CDKAL1: variants seen among roughly 807,000 people sequenced by gnomAD.
The protein encoded by CDKAL1 is CDKAL1 threonylcarbamoyladenosine tRNA methylthiotransferase, also known as threonylcarbamoyladenosine tRNA methylthiotransferase.
A neutral mutation model predicts 68.2 loss-of-function variants in CDKAL1; 32 were observed. The ratio of observed to expected loss-of-function variants is 0.47; its 90% confidence interval spans 0.35 to 0.63. The LOEUF (loss-of-function observed/expected upper bound fraction) is 0.63. CDKAL1 is among the 30% of genes least tolerant of loss of function. The pLI is 0.00. For missense variants in CDKAL1, 606 were observed against 696.7 expected, an observed-to-expected ratio of 0.87 and a Z score of 1.47; for synonymous variants, 234 against 244.3, an observed-to-expected ratio of 0.96 and a Z score of 0.39.
Position 20,941,160 on chromosome 6 carries a change from A to G in CDKAL1, c.743-14259A>G, listed in dbSNP as rs61005761. ...CATTTCAAGTGCTCATCAGCCACAT[A>G]TGGCTTGTGGTTTATTGGATAGTAC... On this transcript the variant is annotated intron_variant, in intron 9 of 15. Coordinates refer to ENST00000274695, the MANE Select transcript of CDKAL1 (RefSeq NM_017774.3). Among the ~76,000 whole-genome samples, 6 of 8,868 alleles carry G rather than the reference A, an allele frequency of 6.8e-4. No homozygotes were observed. In the East Asian group the frequency reaches 0.073, roughly 108 times the overall value. The allele number at this position is 8,868 out of a possible 152,430, so 5.8% of individuals were successfully genotyped here.
intron 5 of CDKAL1, among the ~76,000 whole-genome samples, chr6:20,724,243 T>C (rs1331562405): frequency 1.3e-5 from 2 of 152,154 alleles, no homozygotes; most frequent in African/African-American, 4.8e-5. Context: ...CAGCCACTTT[T>C]GTATTATTTT....
chr6:21,009,341 T>C (rs1212405486), intron 11 of CDKAL1, among the ~76,000 whole-genome samples: 1 of 152,234 alleles, frequency 6.6e-6, no homozygotes, highest in African/African-American at 2.4e-5. Flanking sequence ...AGAAATGTTA[T>C]ATTATACATG....
At chr6:20,837,643 C>T (rs1399135214) in intron 8 of CDKAL1, among the ~76,000 whole-genome samples, 1 of 151,910 alleles carries the variant, frequency 6.6e-6, no homozygotes, top group Non-Finnish European at 1.5e-5. Context: ...TCTGAAAGTA[C>T]AGATTTAGTT....
intron 4 of CDKAL1, among the ~76,000 whole-genome samples, chr6:20,625,382 G>A (rs1043427324): frequency 6.6e-6 from 1 of 152,060 alleles, no homozygotes; most frequent in East Asian, 1.9e-4. Context: ...TGCATTTTTG[G>A]TGTTGGTTAG....
intron 8 of CDKAL1, among the ~76,000 whole-genome samples, chr6:20,794,576 TA>T (rs1357028875): frequency 1.3e-5 from 2 of 152,186 alleles, no homozygotes; most frequent in African/African-American, 4.8e-5. Flanking sequence ...ACTTTCTTAA[TA>T]CAAAACTATT....
intron 5 of CDKAL1, among the ~76,000 whole-genome samples, chr6:20,660,309 C>T (rs984617575): frequency 6.6e-6 from 1 of 152,040 alleles, no homozygotes; most frequent in Non-Finnish European, 1.5e-5. Flanking sequence ...TTTTATGAAG[C>T]CTTTGACGCT....
At chr6:21,006,168 G>A (rs1354140346) in intron 11 of CDKAL1, among the ~76,000 whole-genome samples, 1 of 151,974 alleles carries the variant, frequency 6.6e-6, no homozygotes, top group East Asian at 1.9e-4. Flanking sequence ...ATTCATGTGT[G>A]CTTATTGGAA....
chr6:21,085,821 C>G (rs1772663344), intron 12 of CDKAL1, among the ~76,000 whole-genome samples: 1 of 152,092 alleles, frequency 6.6e-6, no homozygotes, highest in African/African-American at 2.4e-5. Context: ...AGGAGTGACG[C>G]AATCTAAGCA....
intron 4 of CDKAL1, among the ~76,000 whole-genome samples, chr6:20,591,486 GGTCTTACGTTTAA>G (rs1489308253): frequency 1.3e-5 from 2 of 152,182 alleles, no homozygotes; most frequent in African/African-American, 4.8e-5. Flanking sequence ...TATGATTTTA[GGTCTTACGTTTAA>G]GTCTTTAATC....
At chr6:20,556,237 T>C (rs1449445841) in intron 4 of CDKAL1, among the ~76,000 whole-genome samples, 2 of 152,068 alleles carry the variant, frequency 1.3e-5, no homozygotes, top group Non-Finnish European at 2.9e-5. Context: ...TGATAGTGCA[T>C]GCCTGTAATC....
At chr6:20,600,227 C>T (rs1400179817) in intron 4 of CDKAL1, among the ~76,000 whole-genome samples, 1 of 152,002 alleles carries the variant, frequency 6.6e-6, no homozygotes, top group Non-Finnish European at 1.5e-5. Context: ...GTGGAGTTGG[C>T]AATTCTTTTT....
At chr6:20,558,500 A>G (rs1238736102) in intron 4 of CDKAL1, 1 of 456,574 alleles carries the variant, frequency 2.2e-6, no homozygotes, top group African/African-American at 2.0e-5. Flanking sequence ...CAGTAAGTGC[A>G]TGAACTAGAC....
intron 4 of CDKAL1, among the ~76,000 whole-genome samples, chr6:20,581,097 A>G (rs1765126948): frequency 6.6e-6 from 1 of 152,218 alleles, no homozygotes; most frequent in African/African-American, 2.4e-5. Context: ...AAACCTTAAA[A>G]TACATTATTA....
At chr6:21,054,686 C>A (rs558339204) in intron 11 of CDKAL1, among the ~76,000 whole-genome samples, 2 of 152,104 alleles carry the variant, frequency 1.3e-5, no homozygotes, top group African/African-American at 4.8e-5. Flanking sequence ...CAACTTCTAC[C>A]TTTCTTTCTC....
intron 9 of CDKAL1, among the ~76,000 whole-genome samples, chr6:20,895,622 G>A (rs970175802): frequency 6.6e-6 from 1 of 152,148 alleles, no homozygotes; most frequent in Non-Finnish European, 1.5e-5. Context: ...TCATGTTGAT[G>A]ATTTCCAGAG....
intron 8 of CDKAL1, among the ~76,000 whole-genome samples, chr6:20,800,148 C>G (rs1245416298): frequency 1.7e-5 from 1 of 58,740 alleles, no homozygotes; most frequent in Non-Finnish European, 3.1e-5. Context: ...TGCTCAGCAG[C>G]CTTTTTCTTT....
At chr6:20,570,972 A>G (rs138861708) in intron 4 of CDKAL1, among the ~76,000 whole-genome samples, 1 of 152,224 alleles carries the variant, frequency 6.6e-6, no homozygotes, top group East Asian at 1.9e-4. Context: ...TTCCCACTAG[A>G]TTAAAAAATT....
chr6:20,841,565 T>C (rs1778174670), intron 8 of CDKAL1, among the ~76,000 whole-genome samples: 1 of 152,226 alleles, frequency 6.6e-6, no homozygotes, highest in South Asian at 2.1e-4. Context: ...GTTATTTCAT[T>C]TGTTTAGTCT....
intron 14 of CDKAL1, among the ~76,000 whole-genome samples, chr6:21,198,715 T>G (rs985237562): frequency 1.3e-4 from 20 of 152,220 alleles, no homozygotes; most frequent in Admixed American, 3.3e-4. Flanking sequence ...CTGTGAGAGC[T>G]TTGAAGGCCA....
Sources: gnomAD v4.1 joint callset for allele counts (sites outside exome capture counted in the v4.1 genomes callset) on GRCh38, gnomAD v4.1.1 for gene constraint, MANE v1.5 for transcripts, NCBI Gene and HGNC (gene_info 2026-07-23, HGNC 2026-07-21) for gene names.